ZBTB20: variants seen among roughly 807,000 people sequenced by gnomAD.
ZBTB20 encodes the protein zinc finger and BTB domain-containing protein 20.
Under a neutral mutation model 56.9 loss-of-function variants are expected in ZBTB20, and 9 were observed. The ratio of observed to expected loss-of-function variants is 0.16; its 90% CI spans 0.10 to 0.28. ZBTB20 has a LOEUF of 0.28. ZBTB20 is among the 10% of genes least tolerant of loss of function. ZBTB20 has a pLI of 1.00. For missense variants in ZBTB20, 655 were observed against 1,003.0 expected (o/e 0.65, Z 4.69); for synonymous variants, 417 against 420.7 (o/e 0.99, Z 0.11).
At chr3:114,852,688 C>T (rs191083994) in intron 4 of ZBTB20, among the ~76,000 whole-genome samples, 103 of 152,178 alleles carry the variant, frequency 6.8e-4, no homozygotes, top group Non-Finnish European at 1.3e-3. Flanking sequence ...CTTTGTATTG[C>T]TTTTGTTTTT....
intron 5 of ZBTB20, among the ~76,000 whole-genome samples, chr3:114,717,598 A>G (rs1167142192): frequency 6.6e-6 from 1 of 152,152 alleles, no homozygotes; most frequent in Non-Finnish European, 1.5e-5. Context: ...ATGTTTGTGT[A>G]TATTTATATG....
intron 3 of ZBTB20, among the ~76,000 whole-genome samples, chr3:114,965,666 T>C (rs2077620340): frequency 6.6e-6 from 1 of 152,152 alleles, no homozygotes; most frequent in South Asian, 2.1e-4. Context: ...TTATTATCTA[T>C]TCCTCCATTG....
At chr3:115,066,520 A>T (rs1260601071) in intron 2 of ZBTB20, among the ~76,000 whole-genome samples, 1 of 152,158 alleles carries the variant, frequency 6.6e-6, no homozygotes, top group Non-Finnish European at 1.5e-5. Flanking sequence ...GTCTTCTAAC[A>T]GTCTCACAGA....
chr3:114,647,062 C>T lies in ZBTB20; in HGVS notation c.-295+46466G>A, dbSNP rs2059885613. 4.0e-5 allele frequency among the ~76,000 whole-genome samples: 6 copies of T among 151,870 alleles called. No individual in the cohort carries two copies. The South Asian group carries it at 1.2e-3, about 32-fold the overall frequency. On this transcript the variant is annotated intron_variant, in intron 6 of 11. Coordinates refer to ENST00000675478, the MANE Select transcript of ZBTB20 (RefSeq NM_001348800.3). Reference sequence around the variant, plus strand: ...CAAGCTCTGCCTCCCGGGTTCATGCCATTCTCCTGCCTCAGCCTCCCGAGT... The same window carrying T: ...CAAGCTCTGCCTCCCGGGTTCATGCTATTCTCCTGCCTCAGCCTCCCGAGT...
At chr3:114,433,195 G>A (rs974540926) in intron 7 of ZBTB20, among the ~76,000 whole-genome samples, 13 of 152,208 alleles carry the variant, frequency 8.5e-5, no homozygotes, top group Non-Finnish European at 1.5e-4. Context: ...AAGAGGCCAA[G>A]TTAAAAGTCA....
chr3:114,787,772 T>C (rs930449998), intron 5 of ZBTB20, among the ~76,000 whole-genome samples: 2 of 152,176 alleles, frequency 1.3e-5, no homozygotes, highest in Admixed American at 6.6e-5. Context: ...TATTGAATTA[T>C]TGGAAAATAC....
intron 2 of ZBTB20, among the ~76,000 whole-genome samples, chr3:115,007,518 C>T (rs1414037877): frequency 6.6e-6 from 1 of 151,784 alleles, no homozygotes; most frequent in African/African-American, 2.4e-5. Context: ...CTTTTTCTCA[C>T]TTATATGCTC....
At chr3:114,821,748 T>C (rs1331275780) in intron 4 of ZBTB20, among the ~76,000 whole-genome samples, 2 of 152,176 alleles carry the variant, frequency 1.3e-5, no homozygotes, top group Admixed American at 6.6e-5. Flanking sequence ...CAGGGTGACA[T>C]AGCTGATGGG....
chr3:114,669,141 G>A (rs941995846), intron 6 of ZBTB20, among the ~76,000 whole-genome samples: 14 of 152,172 alleles, frequency 9.2e-5, no homozygotes, highest in African/African-American at 3.1e-4. Flanking sequence ...AAACTGAGGG[G>A]TGCTCCAATG....
At chr3:115,051,545 T>C (rs1021181946) in intron 2 of ZBTB20, among the ~76,000 whole-genome samples, 1 of 152,176 alleles carries the variant, frequency 6.6e-6, no homozygotes, top group Non-Finnish European at 1.5e-5. Context: ...TGTTGATTAG[T>C]AAATTGTTGG....
chr3:114,700,604 G>T (rs11927641), intron 5 of ZBTB20, among the ~76,000 whole-genome samples: 3,750 of 152,100 alleles, frequency 0.025, 130 homozygotes, highest in African/African-American at 0.08. Context: ...CTACATTATT[G>T]ATATTTGAGA....
At chr3:114,685,876 C>T (rs1033108106) in intron 6 of ZBTB20, among the ~76,000 whole-genome samples, 1 of 151,978 alleles carries the variant, frequency 6.6e-6, no homozygotes, top group Non-Finnish European at 1.5e-5. Flanking sequence ...ACTGAAAACT[C>T]CTTTACTTCA....
chr3:114,852,570 C>T (rs2075056767), intron 4 of ZBTB20, among the ~76,000 whole-genome samples: 1 of 152,016 alleles, frequency 6.6e-6, no homozygotes, highest in Non-Finnish European at 1.5e-5. Context: ...CTGGCCTTGA[C>T]CTTTTATTTT....
intron 7 of ZBTB20, among the ~76,000 whole-genome samples, chr3:114,399,772 GTTTAC>G (rs766026148): frequency 2.8e-4 from 43 of 151,902 alleles, no homozygotes; most frequent in Admixed American, 1.2e-3. Flanking sequence ...AAAATAAATA[GTTTAC>G]TTTTATGTTC....
At chr3:115,084,561 ATT>A (rs1436624972) in intron 1 of ZBTB20, among the ~76,000 whole-genome samples, 1 of 151,808 alleles carries the variant, frequency 6.6e-6, no homozygotes, top group Non-Finnish European at 1.5e-5. Flanking sequence ...AAAATATGAG[ATT>A]TGTTTTTTTA....
At chr3:114,674,349 C>T (rs572042990) in intron 6 of ZBTB20, among the ~76,000 whole-genome samples, 3 of 152,230 alleles carry the variant, frequency 2.0e-5, no homozygotes, top group African/African-American at 7.2e-5. Flanking sequence ...GCTTTGGGGT[C>T]TTGGACAAGT....
At chr3:114,409,125 CTTTTTTTTTTTTTTTTTTT>C (rs56339103) in intron 7 of ZBTB20, among the ~76,000 whole-genome samples, 1 of 71,988 alleles carries the variant, frequency 1.4e-5, no homozygotes, top group African/African-American at 6.0e-5. Flanking sequence ...AAAGGGAAGA[CTTTTTTTTTTTTTTTTTTT>C]TTTTTTTTTC....
chr3:114,793,548 C>T (rs2071125833), intron 5 of ZBTB20, among the ~76,000 whole-genome samples: 1 of 152,076 alleles, frequency 6.6e-6, no homozygotes, highest in Non-Finnish European at 1.5e-5. Flanking sequence ...GAGGACATTA[C>T]ATTTATTTCC....
intron 6 of ZBTB20, among the ~76,000 whole-genome samples, chr3:114,584,410 T>C (rs557829210): frequency 2.0e-5 from 3 of 152,302 alleles, no homozygotes; most frequent in African/African-American, 7.2e-5. Context: ...AAAAAGCTGA[T>C]GAAATTCCAT....
Sources: allele counts gnomAD v4.1 joint callset (sites outside exome capture counted in the v4.1 genomes callset), GRCh38; gene constraint gnomAD v4.1.1; transcripts MANE v1.5; gene names NCBI Gene and HGNC (gene_info 2026-07-23, HGNC 2026-07-21).